SRL: variants seen among roughly 807,000 people sequenced by gnomAD.
SRL encodes sarcalumenin.
In SRL, 23 loss-of-function variants were observed where a neutral mutation model predicts 39.5. The ratio of observed to expected loss-of-function variants is 0.58; its 90% CI spans 0.42 to 0.82. The LOEUF (loss-of-function observed/expected upper bound fraction) is 0.82. SRL is among the 40% of genes least tolerant of loss of function. The probability of loss-of-function intolerance (pLI) is 0.00; values close to 1 mark genes in which losing one functional copy is unlikely to be tolerated. For missense variants in SRL, 592 were observed against 607.8 expected (o/e 0.97, Z 0.27); for synonymous variants, 272 against 237.4 (o/e 1.15, Z -1.34).
At chr16:4,207,878 G>T (rs1308274153) in intron 1 of SRL, 3 of 456,502 alleles carry the variant, frequency 6.6e-6, no homozygotes, top group Non-Finnish European at 1.3e-5. Flanking sequence ...CATTGGAGAG[G>T]CTGGCTTCAG....
At chr16:4,201,200 G>T (rs2052225063) in intron 3 of SRL, among the ~76,000 whole-genome samples, 1 of 150,370 alleles carries the variant, frequency 6.7e-6, no homozygotes. Flanking sequence ...TGCAATCTCT[G>T]CCTCCCAGGC....
In SRL at chr16:4,191,828, T is replaced by C; in HGVS notation, c.*325A>G. The C allele has an allele frequency of 3.9e-6, 1 of 257,294 alleles. No homozygotes were observed. The highest frequency in any genetic ancestry group is 1.3e-4 in the South Asian group (1 of 7,562). The allele number at this position is 257,294 out of a possible 1,614,324, so 15.9% of individuals were successfully genotyped here. A position where few individuals can be genotyped will look rare whatever the true frequency, so the allele number is the denominator to read the frequency against. On this transcript the variant is annotated 3_prime_UTR_variant, in exon 6 of 6. Transcript: ENST00000399609. ...GGAATTTCAGCTGCTTTTAGCTTAT[T>C]TGACCCTCACTGATTTAAGATACAC...
intron 1 of SRL, among the ~76,000 whole-genome samples, chr16:4,212,965 T>C (rs772801358): frequency 2.2e-4 from 34 of 152,244 alleles, no homozygotes; most frequent in Non-Finnish European, 7.3e-5. Context: ...CAGAGGACTA[T>C]GGAGTTGCCA....
intron 3 of SRL, among the ~76,000 whole-genome samples, chr16:4,199,692 C>CCT (rs2052197445): frequency 9.0e-6 from 1 of 111,454 alleles, no homozygotes; most frequent in Non-Finnish European, 1.9e-5. Context: ...CTTTTCTTTT[C>CCT]CTTTTTTTTT....
At position 4,221,353 on chromosome 16, in the gene SRL, G is replaced by A. The variant is rs145951718; in HGVS notation, c.62-16719C>T. On this transcript the variant is annotated intron_variant, in intron 1 of 5. Transcript: ENST00000399609. Reference sequence around the variant, plus strand: ...TGAGCCACTGCACCTGGCCTATTCCGTTCTTTTCTTTTCCCTTGGCAGCCT... The same window carrying A: ...TGAGCCACTGCACCTGGCCTATTCCATTCTTTTCTTTTCCCTTGGCAGCCT... 2.6e-3 allele frequency among the ~76,000 whole-genome samples: 402 copies of A among 152,268 alleles called. 3 individuals are homozygous for A. The Middle Eastern group carries it at 0.031, about 12-fold the overall frequency.
intron 1 of SRL, among the ~76,000 whole-genome samples, chr16:4,239,325 G>A (rs541629945): frequency 2.4e-4 from 37 of 152,206 alleles, no homozygotes; most frequent in Non-Finnish European, 4.0e-4. Context: ...TGGGGTGGCC[G>A]GGTGGGGCCA....
chr16:4,195,019 C>G (rs1223578444), intron 5 of SRL, among the ~76,000 whole-genome samples: 1 of 151,892 alleles, frequency 6.6e-6, no homozygotes, highest in Non-Finnish European at 1.5e-5. Context: ...CTCAGCCTCC[C>G]GAGTAGCTGG....
intron 1 of SRL, among the ~76,000 whole-genome samples, 154 bp from the exon 2 acceptor site, chr16:4,204,788 T>G (rs1235861280): frequency 1.3e-5 from 2 of 152,214 alleles, no homozygotes; most frequent in Non-Finnish European, 2.9e-5. Context: ...AGGAAGGAAT[T>G]TGATCATCCA....
At chr16:4,241,253 C>A (rs2141076375) in intron 1 of SRL, among the ~76,000 whole-genome samples, 1 of 152,256 alleles carries the variant, frequency 6.6e-6, no homozygotes, top group African/African-American at 2.4e-5. Flanking sequence ...GGTGGCAAAA[C>A]AATCTGGCAT....
intron 1 of SRL, 35 bp from the exon 2 acceptor site, chr16:4,204,669 A>G: frequency 6.3e-7 from 1 of 1,594,266 alleles, no homozygotes; most frequent in Non-Finnish European, 8.6e-7. Flanking sequence ...GTGAGAGCAA[A>G]GCTAACAGCC....
At chr16:4,217,428 T>A (rs996854848) in intron 1 of SRL, among the ~76,000 whole-genome samples, 2 of 152,160 alleles carry the variant, frequency 1.3e-5, no homozygotes, top group African/African-American at 4.8e-5. Context: ...ATTGTTTTAT[T>A]TTTTGTAAAG....
chr16:4,229,167 G>T (rs1445523148), intron 1 of SRL, among the ~76,000 whole-genome samples: 2 of 152,090 alleles, frequency 1.3e-5, no homozygotes, highest in Non-Finnish European at 2.9e-5. Context: ...ATCATGGCTG[G>T]GCGCAGTGGC....
chr16:4,235,868 C>T (rs1332923101), intron 1 of SRL, among the ~76,000 whole-genome samples: 1 of 152,150 alleles, frequency 6.6e-6, no homozygotes, highest in Non-Finnish European at 1.5e-5. Flanking sequence ...GTGAGCGGAT[C>T]TCGAGGTCAG....
chr16:4,214,070 A>G (rs1417205896), intron 1 of SRL, among the ~76,000 whole-genome samples: 2 of 152,128 alleles, frequency 1.3e-5, no homozygotes, highest in Non-Finnish European at 2.9e-5. Context: ...ATTCTACAGA[A>G]CACCAGCATT....
intron 3 of SRL, 127 bp from the exon 4 acceptor site, chr16:4,198,042 T>G: frequency 1.4e-6 from 1 of 690,766 alleles, no homozygotes. Context: ...GAATCAGACG[T>G]GTGTAGCCCC....
chr16:4,222,967 T>C (rs2052546738), intron 1 of SRL, among the ~76,000 whole-genome samples: 1 of 151,818 alleles, frequency 6.6e-6, no homozygotes, highest in African/African-American at 2.4e-5. Flanking sequence ...CGGTGGCTCA[T>C]GCCTGTAATC....
chr16:4,237,987 C>T (rs1408283286), intron 1 of SRL, among the ~76,000 whole-genome samples: 2 of 152,172 alleles, frequency 1.3e-5, no homozygotes, highest in Non-Finnish European at 2.9e-5. Flanking sequence ...CTCTCCCCTA[C>T]TGGACTATAA....
intron 1 of SRL, among the ~76,000 whole-genome samples, chr16:4,234,261 C>T (rs757441399): frequency 3.9e-5 from 6 of 152,068 alleles, no homozygotes; most frequent in Admixed American, 6.6e-5. Flanking sequence ...CCCAAAGTGC[C>T]GGGATTACAG....
At chr16:4,199,674 C>T (rs1030877959) in intron 3 of SRL, among the ~76,000 whole-genome samples, 18 of 149,476 alleles carry the variant, frequency 1.2e-4, no homozygotes, top group African/African-American at 3.0e-4. Flanking sequence ...CCAGCCCCTC[C>T]CCATCTTCTT....
Sources: gnomAD v4.1 joint callset for allele counts (sites outside exome capture counted in the v4.1 genomes callset) on GRCh38, gnomAD v4.1.1 for gene constraint, MANE v1.5 for transcripts, NCBI Gene and HGNC (gene_info 2026-07-23, HGNC 2026-07-21) for gene names.